Variants in NEBL observed in about 807,000 individuals in gnomAD.
The protein encoded by NEBL is LIM and SH3 protein 2.
In NEBL, 122 loss-of-function variants were observed where a neutral mutation model predicts 140.2. That is an observed-to-expected ratio of 0.87 (90% confidence interval 0.75 to 1.01). NEBL has a LOEUF of 1.01. NEBL is among the 50% of genes least tolerant of loss of function. NEBL has a pLI of 0.00. For missense variants in NEBL, 1,365 were observed against 1,231.3 expected (o/e 1.11, Z -1.62); for synonymous variants, 436 against 398.9 (o/e 1.09, Z -1.11).
Position 20,787,297 on chromosome 10 carries a change from G to T in NEBL, c.2773C>A (p.Pro925Thr). The change falls in exon 27 of 28, where the codon CCC (proline) becomes ACC (threonine). Residue 925 changes from proline (P) to threonine (T), a missense_variant. Around this residue, in one of 2 missense-constraint regions of NEBL, gnomAD observed 1,323 missense variants for 1,154.8 expected, o/e 1.15. Transcript: ENST00000377122. ...GAATGGCTTTGCTGATAGGCTCCGGGAAGAACAGGTGCTGCATGTTAAACA... is the reference window on the plus strand; with the variant it reads ...GAATGGCTTTGCTGATAGGCTCCGGTAAGAACAGGTGCTGCATGTTAAACA... ...RPSDEGAPVLPGAYQQSHSQG... is the reference protein window; with the variant it reads ...RPSDEGAPVLTGAYQQSHSQG... 1 of 1,612,680 alleles carries T rather than the reference G, an allele frequency of 6.2e-7. No homozygotes were observed.
At chr10:20,945,990 A>T (rs1403734402) in intron 4 of NEBL, among the ~76,000 whole-genome samples, 4 of 152,320 alleles carry the variant, frequency 2.6e-5, no homozygotes, top group African/African-American at 7.2e-5. Flanking sequence ...GATTGTTGCT[A>T]AAAATAAGTG....
At chr10:21,129,571 T>C (rs1458293309) in intron 2 of NEBL, among the ~76,000 whole-genome samples, 10 of 151,928 alleles carry the variant, frequency 6.6e-5, no homozygotes, top group Non-Finnish European at 1.0e-4. Context: ...ATAAGTGAAA[T>C]GGATGACAAA....
chr10:21,193,767 A>G (rs1449521732), intron 3 of NEBL, among the ~76,000 whole-genome samples: 1 of 152,190 alleles, frequency 6.6e-6, no homozygotes, highest in Non-Finnish European at 1.5e-5. Flanking sequence ...CTTGTAAGGA[A>G]GCCCGTAATG....
At chr10:21,251,978 C>T (rs1315724475) in intron 1 of NEBL, among the ~76,000 whole-genome samples, 1 of 152,194 alleles carries the variant, frequency 6.6e-6, no homozygotes, top group Non-Finnish European at 1.5e-5. Flanking sequence ...CTAAAACCAG[C>T]CCCACCTCCC....
At chr10:21,198,700 C>G (rs575002197) in intron 3 of NEBL, among the ~76,000 whole-genome samples, 119 of 152,246 alleles carry the variant, frequency 7.8e-4, no homozygotes, top group African/African-American at 2.7e-3. Flanking sequence ...TCCATACATA[C>G]CCCTCCCACT....
intron 3 of NEBL, among the ~76,000 whole-genome samples, chr10:20,963,252 T>G (rs980174026): frequency 2.6e-5 from 4 of 152,202 alleles, no homozygotes; most frequent in African/African-American, 9.7e-5. Flanking sequence ...ATCCACATGC[T>G]GGCACATTCT....
intron 4 of NEBL, among the ~76,000 whole-genome samples, chr10:20,939,532 A>T (rs926086158): frequency 2.0e-5 from 3 of 152,238 alleles, no homozygotes; most frequent in Non-Finnish European, 4.4e-5. Context: ...TCAACTAATG[A>T]GCAAAATAAC....
In NEBL at chr10:20,828,080, TA is replaced by T. The variant is rs139196791; in HGVS notation, c.1776+449del. ...GTACCCCCAAACTTAAAATAAAAGT[TA>T]AAAAAAAAAGTGCTGATGCAATTCC... is the stretch of plus-strand genomic sequence containing the variant. On this transcript the variant is annotated intron_variant, in intron 17 of 27. Transcript: ENST00000377122. 1.4e-3 allele frequency among the ~76,000 whole-genome samples: 212 copies of T among 147,200 alleles called. 1 individual carries two copies. In the Middle Eastern group the frequency reaches 0.021, roughly 14 times the overall value.
At chr10:21,076,359 C>T (rs763421976) in intron 2 of NEBL, among the ~76,000 whole-genome samples, 6 of 142,502 alleles carry the variant, frequency 4.2e-5, no homozygotes, top group Non-Finnish European at 7.5e-5. Flanking sequence ...GCAGGAGAAT[C>T]GCTTGAACCT....
At chr10:21,148,559 C>T (rs1840006743) in intron 2 of NEBL, among the ~76,000 whole-genome samples, 1 of 152,110 alleles carries the variant, frequency 6.6e-6, no homozygotes, top group South Asian at 2.1e-4. Flanking sequence ...CAGAGTCTCA[C>T]TCTGTTGCCG....
intron 1 of NEBL, 34 bp from the exon 2 acceptor site, chr10:20,897,063 A>G (rs775955685): frequency 2.8e-5 from 45 of 1,603,092 alleles, no homozygotes; most frequent in Non-Finnish European, 3.6e-5. Context: ...CAGAAAGAAC[A>G]TTTTTCTCAT....
chr10:20,837,689 G>A (rs1489179687), intron 13 of NEBL, among the ~76,000 whole-genome samples: 1 of 152,162 alleles, frequency 6.6e-6, no homozygotes, highest in East Asian at 1.9e-4. Context: ...CATAGCTAGT[G>A]AGGAGAAGTC....
At chr10:21,262,682 G>T (rs190796728) in intron 1 of NEBL, among the ~76,000 whole-genome samples, 73 of 152,250 alleles carry the variant, frequency 4.8e-4, no homozygotes, top group African/African-American at 1.5e-3. Flanking sequence ...AGAAGGCCAG[G>T]CTTGTGTCTG....
chr10:21,258,969 A>G (rs902273638), intron 1 of NEBL, among the ~76,000 whole-genome samples: 6 of 152,106 alleles, frequency 3.9e-5, no homozygotes, highest in African/African-American at 1.4e-4. Context: ...TATGAAATAG[A>G]TCCTATGATT....
intron 2 of NEBL, among the ~76,000 whole-genome samples, chr10:21,072,746 T>A (rs1835877324): frequency 6.6e-6 from 1 of 152,072 alleles, no homozygotes; most frequent in Non-Finnish European, 1.5e-5. Context: ...ATCCCAGTAC[T>A]TTGGGAGGCT....
intron 3 of NEBL, among the ~76,000 whole-genome samples, chr10:21,198,101 G>A (rs1047560404): frequency 7.9e-5 from 12 of 151,970 alleles, no homozygotes; most frequent in African/African-American, 2.7e-4. Context: ...GTCATGTAAC[G>A]TCTGTAGCAT....
At chr10:20,869,479 T>G (rs1844688581) in intron 6 of NEBL, among the ~76,000 whole-genome samples, 1 of 152,176 alleles carries the variant, frequency 6.6e-6, no homozygotes, top group Non-Finnish European at 1.5e-5. Flanking sequence ...GACATCTGAA[T>G]GTCAATTTAT....
chr10:20,864,659 C>T (rs1277636870), intron 7 of NEBL, among the ~76,000 whole-genome samples: 2 of 152,134 alleles, frequency 1.3e-5, no homozygotes, highest in Non-Finnish European at 2.9e-5. Context: ...ATTCTCATCT[C>T]CCTGTTATTA....
intron 2 of NEBL, among the ~76,000 whole-genome samples, chr10:21,088,526 T>A (rs573910681): frequency 2.0e-5 from 3 of 152,230 alleles, no homozygotes; most frequent in Non-Finnish European, 4.4e-5. Context: ...GTGACACACA[T>A]CACTCTGACC....
Sources: allele counts gnomAD v4.1 joint callset (sites outside exome capture counted in the v4.1 genomes callset), GRCh38; gene constraint gnomAD v4.1.1; regional missense constraint gnomAD v4.1.1; transcripts MANE v1.5; gene names NCBI Gene and HGNC (gene_info 2026-07-23, HGNC 2026-07-21).